CRACD: variants seen among roughly 807,000 people sequenced by gnomAD.
CRACD encodes the protein capping protein inhibiting regulator of actin dynamics.
In CRACD, 56 loss-of-function variants were observed where a neutral mutation model predicts 106.8. The observed-to-expected ratio is 0.52, with a 90% CI of 0.42 to 0.66. The LOEUF (loss-of-function observed/expected upper bound fraction) is 0.66, where lower values mean the gene tolerates loss of function less well. CRACD is among the 30% of genes least tolerant of loss of function. CRACD has a pLI of 0.00. For synonymous variants in CRACD, 754 were observed against 670.8 expected, an observed-to-expected ratio of 1.12 and a Z score of -1.92; for missense variants, 1,730 against 1,623.2, an observed-to-expected ratio of 1.07 and a Z score of -1.13.
chr4:56,182,436 A>G (rs866675170), intron 2 of CRACD, among the ~76,000 whole-genome samples: 4 of 151,390 alleles, frequency 2.6e-5, no homozygotes, highest in South Asian at 2.1e-4. Flanking sequence ...AAAGAAACAA[A>G]AAAAAAAAAC....
rs117428594 is a variant in CRACD at position 56,282,139 on chromosome 4, G to A, written c.-17+9647G>A. Among the ~76,000 whole-genome samples the A allele has an allele frequency of 1.9e-4, 29 of 152,290 alleles. No homozygotes were observed. In the East Asian group the frequency reaches 5.6e-3, roughly 29 times the overall value. On this transcript the variant is annotated intron_variant, in intron 3 of 10. Transcript: ENST00000682029. ...TGAGACTCACGGATCTGTTTAGGAA[G>A]AAAACTGCTGATCAATTGCAATTGC...
chr4:56,247,883 T>C (rs1740780296), intron 2 of CRACD, among the ~76,000 whole-genome samples: 1 of 151,918 alleles, frequency 6.6e-6, no homozygotes, highest in Non-Finnish European at 1.5e-5. Flanking sequence ...GAGAATCCTA[T>C]TGTGAAGCCT....
chr4:56,193,777 A>T (rs1053103308), intron 2 of CRACD, among the ~76,000 whole-genome samples: 1 of 152,162 alleles, frequency 6.6e-6, no homozygotes, highest in African/African-American at 2.4e-5. Context: ...ATAGGCTATT[A>T]TGTTTTATTT....
chr4:56,181,313 G>A (rs1309712648), intron 2 of CRACD, among the ~76,000 whole-genome samples: 2 of 152,212 alleles, frequency 1.3e-5, no homozygotes, highest in Non-Finnish European at 2.9e-5. Flanking sequence ...AAGGCCCTAA[G>A]GAGGGAATGC....
rs781560789 is a variant in CRACD, at chr4:56,327,659, C to T, written c.3557C>T (p.Ser1186Leu). 16 of 1,606,354 alleles carry T rather than the reference C, an allele frequency of 1.0e-5. No homozygotes were observed. The highest frequency in any genetic ancestry group is 1.2e-5 in the Non-Finnish European group (14 of 1,176,192). The change falls in exon 11 of 11, where the codon TCG (serine) becomes TTG (leucine). Residue 1186 changes from serine to leucine, a missense_variant. Ser to Leu is a moderately radical substitution (Grantham distance 145, BLOSUM62 -2). Around this residue, in one of 5 missense-constraint regions of CRACD, gnomAD observed 89 missense variants for 89.6 expected, o/e 0.99. Transcript: ENST00000682029. The part of the protein sequence containing the change: ...PTSVTVEISD[S>L]APPAPLVKEV... ...CAAAATCCAGTGGAGATCTCCGACT[C>T]GGCTCCCCCAGCGCCGCTGGTAAAA...
intron 1 of CRACD, among the ~76,000 whole-genome samples, chr4:56,174,533 T>G (rs1209093768): frequency 6.6e-6 from 1 of 152,224 alleles, no homozygotes; most frequent in African/African-American, 2.4e-5. Context: ...AGTGAGAATG[T>G]GATATTTGCC....
At chr4:56,226,155 T>C (rs74804832) in intron 2 of CRACD, among the ~76,000 whole-genome samples, 3,402 of 152,286 alleles carry the variant, frequency 0.022, 51 homozygotes, top group Middle Eastern at 0.044. Flanking sequence ...GGAGTCATAT[T>C]CATTAAGGGC....
chr4:56,310,596 AC>A (rs1745088459), intron 5 of CRACD, 69 bp from the exon 6 acceptor site: 2 of 1,112,706 alleles, frequency 1.8e-6, no homozygotes, highest in East Asian at 4.7e-5. Context: ...CCAGGCACAG[AC>A]AGTGTCTGGT....
intron 1 of CRACD, among the ~76,000 whole-genome samples, chr4:56,111,617 C>T (rs1734124855): frequency 6.6e-6 from 1 of 152,234 alleles, no homozygotes; most frequent in African/African-American, 2.4e-5. Context: ...TCTTGGCTCA[C>T]TGCAGCCTCT....
At chr4:56,124,457 G>C (rs1342765095) in intron 1 of CRACD, among the ~76,000 whole-genome samples, 3 of 151,926 alleles carry the variant, frequency 2.0e-5, no homozygotes, top group Non-Finnish European at 4.4e-5. Context: ...TATCAGAACA[G>C]GACTCTTTTA....
intron 5 of CRACD, among the ~76,000 whole-genome samples, chr4:56,310,246 T>A (rs916218278): frequency 3.3e-5 from 5 of 152,032 alleles, no homozygotes; most frequent in Admixed American, 6.6e-5. Flanking sequence ...TTCTTCTCAC[T>A]CATTGCTTAG....
At chr4:56,058,803 T>C (rs1273359951) in intron 1 of CRACD, among the ~76,000 whole-genome samples, 3 of 152,212 alleles carry the variant, frequency 2.0e-5, no homozygotes, top group African/African-American at 7.2e-5. Flanking sequence ...TTTTGGCTCA[T>C]GCAGTGTCCC....
intron 3 of CRACD, among the ~76,000 whole-genome samples, chr4:56,290,599 C>G (rs971007336): frequency 6.6e-6 from 1 of 152,192 alleles, no homozygotes; most frequent in African/African-American, 2.4e-5. Flanking sequence ...AGTCCAAAAG[C>G]TGGTATCTTT....
At chr4:56,246,048 A>G (rs1560500337) in intron 2 of CRACD, among the ~76,000 whole-genome samples, 1 of 152,136 alleles carries the variant, frequency 6.6e-6, no homozygotes, top group South Asian at 2.1e-4. Flanking sequence ...GGCAGGAGGC[A>G]TTGGCCACAG....
Position 56,305,384 on chromosome 4 carries a change from C to T in CRACD, c.121-2151C>T, listed in dbSNP as rs886998264. ...CCTAGAGAAGGCTGGGCTGGGCGGA[C>T]ACAGGAACCATTCTTCTGCACAGGT... On this transcript the variant is annotated intron_variant, in intron 4 of 10. Transcript: ENST00000682029. Among the ~76,000 whole-genome samples, 3 of 152,110 alleles carry T rather than the reference C, an allele frequency of 2.0e-5. 1 individual carries two copies. The highest frequency in any genetic ancestry group is 6.5e-5 in the Admixed American group (1 of 15,280).
chr4:56,059,453 G>A (rs114896703), intron 1 of CRACD, among the ~76,000 whole-genome samples: 21 of 152,280 alleles, frequency 1.4e-4, no homozygotes, highest in African/African-American at 2.2e-4. Context: ...TCCAGCCTGC[G>A]TGACAGAATT....
chr4:56,092,399 A>T (rs1733452005), intron 1 of CRACD, among the ~76,000 whole-genome samples: 1 of 152,230 alleles, frequency 6.6e-6, no homozygotes, highest in African/African-American at 2.4e-5. Context: ...GCTGTTAGCC[A>T]GAAGTGCCTG....
rs144946115 is a variant in CRACD at position 56,089,702 on chromosome 4, C to T, written c.-336+40403C>T. On this transcript the variant is annotated intron_variant, in intron 1 of 10. Transcript: ENST00000682029. The stretch of plus-strand genomic sequence containing the variant: ...CTAATTTTGTATTTTTTAGTAGAGG[C>T]GGGATTTCTCTGGTTGGTCAGGCTG... Among the ~76,000 whole-genome samples, 85 of 151,868 alleles carry T rather than the reference C, an allele frequency of 5.6e-4. 1 individual carries two copies. The East Asian group carries it at 0.014, about 25-fold the overall frequency.
chr4:56,323,461 C>T lies in CRACD; in HGVS notation c.3272C>T (p.Thr1091Met), dbSNP rs369076497. 8.3e-5 allele frequency: 133 copies of T among 1,611,730 alleles called. 1 individual carries two copies. The highest frequency in any genetic ancestry group is 2.2e-4 in the East Asian group (10 of 44,728). ...GAAACTGCTCAGCCGCTGTGGATAA[C>T]GTTAGCACTGCAAAAGCAAAAGGGG... ...KVETAQPLWI[T>M]LALQKQKGFR... Residue 1091 changes from threonine (T) to methionine (M), a missense_variant, in exon 9 of 11, where the codon ACG (threonine) becomes ATG (methionine). Thr to Met is a moderately conservative substitution (Grantham distance 81, BLOSUM62 -1). Coordinates refer to ENST00000682029, the MANE Select transcript of CRACD (RefSeq NM_001393381.1).
Sources: gnomAD v4.1 joint callset for allele counts (sites outside exome capture counted in the v4.1 genomes callset) on GRCh38, gnomAD v4.1.1 for gene constraint, gnomAD v4.1.1 regional missense constraint, MANE v1.5 for transcripts, NCBI Gene and HGNC (gene_info 2026-07-23, HGNC 2026-07-21) for gene names.